SPTB: variants seen among roughly 807,000 people sequenced by gnomAD.
SPTB encodes the protein spectrin beta chain, erythrocytic.
SPTB carries 45 observed loss-of-function variants against 256.2 expected under a neutral mutation model. The ratio of observed to expected loss-of-function variants is 0.18; its 90% confidence interval spans 0.14 to 0.23. SPTB has a LOEUF of 0.23. Ranked by LOEUF, SPTB falls within the 10% of genes least tolerant of loss-of-function variation. The pLI is 1.00. For synonymous variants in SPTB, 1,231 were observed against 1,243.1 expected (o/e 0.99, Z 0.21); for missense variants, 2,715 against 3,040.4 (o/e 0.89, Z 2.52).
chr14:64,772,859 G>T lies in SPTB; in HGVS notation c.5274C>A (p.Ile1758=). 6.2e-7 allele frequency: 1 copy of T among 1,612,384 alleles called. No individual in the cohort carries two copies. Among genetic ancestry groups the T allele is most frequent in the South Asian group, 1.1e-5 (1 of 91,068 alleles). The part of the protein sequence containing the change: ...DNVNAFIERL[I]DAGHSEAATI... ...TGGCCGCCTCGCTGTGGCCCGCGTCGATGAGTCGCTCGATGAAGGCATTCA... is the reference window on the plus strand; with the variant it reads ...TGGCCGCCTCGCTGTGGCCCGCGTCTATGAGTCGCTCGATGAAGGCATTCA... Residue 1758 remains isoleucine (I), a synonymous_variant, in exon 26 of 36, where the codon ATC becomes ATA. Transcript: ENST00000644917. The surrounding 1 kb of genome is among the most constrained non-coding windows in gnomAD (Gnocchi z 5.4).
rs1428450057 is a variant in SPTB, at chr14:64,852,830, TGCAATAATGAAGCAAAATAGACAG to T, written c.-52+26938_-52+26961del. ...CTCACCATAATGTTAGGTGTTGGGA[TGCAATAATGAAGCAAAATAGACAG>T]GCTTTCTGCTCTCGTGGTACTTTCA... On this transcript the variant is annotated intron_variant, in intron 1 of 35. Coordinates refer to ENST00000644917, the MANE Select transcript of SPTB (RefSeq NM_001355436.2). The surrounding 1 kb of genome is among the most constrained non-coding windows in gnomAD (Gnocchi z 4.2). Among the ~76,000 whole-genome samples the T allele has an allele frequency of 1.3e-5, 2 of 152,194 alleles. No homozygotes were observed. Among genetic ancestry groups the T allele is most frequent in the Non-Finnish European group, 2.9e-5 (2 of 68,028 alleles).
chr14:64,879,553 G>A (rs1883007962), intron 1 of SPTB, among the ~76,000 whole-genome samples: 1 of 152,300 alleles, frequency 6.6e-6, no homozygotes, highest in African/African-American at 2.4e-5. Flanking sequence ...CAAGTGCCTC[G>A]GACGCCCGCG....
rs2083802687 is a variant in SPTB at position 64,852,409 on chromosome 14, G to A, written c.-52+27383C>T. ...GGAACCTGAGCAGTGGGGAGTCAGT[G>A]AAGGGTGCTAAATGGAACAGCATGG... is the stretch of plus-strand genomic sequence containing the variant. On this transcript the variant is annotated intron_variant, in intron 1 of 35. Coordinates refer to ENST00000644917, the MANE Select transcript of SPTB (RefSeq NM_001355436.2). The surrounding 1 kb of genome is among the most constrained non-coding windows in gnomAD (Gnocchi z 4.2). Among the ~76,000 whole-genome samples, 1 of 152,206 alleles carries A rather than the reference G, an allele frequency of 6.6e-6. No homozygotes were observed. The highest frequency in any genetic ancestry group is 6.5e-5 in the Admixed American group (1 of 15,286).
At chr14:64,864,709 A>C (rs539477908) in intron 1 of SPTB, among the ~76,000 whole-genome samples, 6 of 152,284 alleles carry the variant, frequency 3.9e-5, no homozygotes, top group African/African-American at 1.2e-4. Flanking sequence ...CGCAGTAATA[A>C]GTCTAGGAGT....
In SPTB at chr14:64,794,451, A is replaced by C; in HGVS notation, c.1795+16T>G. On this transcript the variant is annotated intron_variant, in intron 13 of 35. Coordinates refer to ENST00000644917, the MANE Select transcript of SPTB (RefSeq NM_001355436.2). Reference sequence around the variant, plus strand: ...GGCATTGGAAGCCTCAAAAGGGGAGACAGACTTGGTCTCACCTTTCCCCTC... The same window carrying C: ...GGCATTGGAAGCCTCAAAAGGGGAGCCAGACTTGGTCTCACCTTTCCCCTC... 6.2e-7 allele frequency: 1 copy of C among 1,614,138 alleles called. No homozygotes were observed. The highest frequency in any genetic ancestry group is 8.5e-7 in the Non-Finnish European group (1 of 1,180,012).
intron 1 of SPTB, among the ~76,000 whole-genome samples, chr14:64,870,647 A>G (rs1882476275): frequency 6.6e-6 from 1 of 152,250 alleles, no homozygotes; most frequent in Non-Finnish European, 1.5e-5. Flanking sequence ...TTGGCCCCCA[A>G]AATGAGGATA....
chr14:64,765,330 C>T (rs538571901), intron 32 of SPTB, among the ~76,000 whole-genome samples: 35 of 152,198 alleles, frequency 2.3e-4, no homozygotes, highest in African/African-American at 6.0e-4. Flanking sequence ...CCGTGCAAGC[C>T]GTGTGCTGAA....
chr14:64,770,694 T>A (rs944585040), intron 27 of SPTB, among the ~76,000 whole-genome samples, 191 bp downstream of exon 27: 28 of 152,214 alleles, frequency 1.8e-4, no homozygotes, highest in African/African-American at 1.7e-4. Context: ...CGATTGGTCC[T>A]CCCAGTGGAA....
At position 64,777,456 on chromosome 14, in the gene SPTB, C is replaced by T. The variant is rs1477679559; in HGVS notation, c.4563+1701G>A. Among the ~76,000 whole-genome samples, 1 of 152,150 alleles carries T rather than the reference C, an allele frequency of 6.6e-6. No homozygotes were observed. Among genetic ancestry groups the T allele is most frequent in the East Asian group, 1.9e-4 (1 of 5,204 alleles). On this transcript the variant is annotated intron_variant, in intron 22 of 35. Transcript: ENST00000644917. This position sits in a 1 kb window ranked among gnomAD's most constrained non-coding sequence, Gnocchi z 4.5. The stretch of plus-strand genomic sequence containing the variant: ...TGGGCATTCATCTGTCTAAAAGTTC[C>T]CTAGGTGATGTGAGTGTACAGCCAG...
At position 64,749,664 on chromosome 14, in the gene SPTB, C is replaced by T. The variant is rs185086217; in HGVS notation, c.6809G>A (p.Gly2270Asp). ...LSNGSEWLFH[G>D]KDEEEMLSWL... ...GCTGCCCGCGCTTACCTCATCCTTGCCATGGAAGAGCCACTCGCTGCCATT... is the reference window on the plus strand; with the variant it reads ...GCTGCCCGCGCTTACCTCATCCTTGTCATGGAAGAGCCACTCGCTGCCATT... Residue 2270 changes from glycine to aspartate, a missense_variant, in exon 35 of 36, where the codon GGC (glycine) becomes GAC (aspartate). Physicochemically the swap from Gly to Asp is moderately conservative, Grantham distance 94. Around this residue, in one of 4 missense-constraint regions of SPTB, gnomAD observed 2,239 missense variants for 2,384.4 expected, o/e 0.94. Transcript: ENST00000644917. This position sits in a 1 kb window ranked among gnomAD's most constrained non-coding sequence, Gnocchi z 4.7. 5.0e-6 allele frequency: 8 copies of T among 1,613,782 alleles called. No individual in the cohort carries two copies. Among genetic ancestry groups the T allele is most frequent in the Non-Finnish European group, 6.8e-6 (8 of 1,179,948 alleles).
intron 9 of SPTB, among the ~76,000 whole-genome samples, chr14:64,798,217 T>C (rs7342528): frequency 0.053 from 8,142 of 152,308 alleles, 252 homozygotes; most frequent in South Asian, 0.14. Flanking sequence ...CTGCAAGTGA[T>C]GAGGGCTTCT....
At chr14:64,769,154 C>T in intron 28 of SPTB, 36 bp from the exon 29 acceptor site, 1 of 1,597,502 alleles carries the variant, frequency 6.3e-7, no homozygotes, top group Non-Finnish European at 8.6e-7. Flanking sequence ...TCAGGCTTGG[C>T]TCACCCTTCA....
At position 64,821,548 on chromosome 14, in the gene SPTB, C is replaced by G. The variant is rs186570715; in HGVS notation, c.148+1399G>C. Among the ~76,000 whole-genome samples the G allele has an allele frequency of 1.8e-4, 27 of 151,864 alleles. No individual in the cohort carries two copies. In the East Asian group the frequency reaches 5.2e-3, roughly 29 times the overall value. On this transcript the variant is annotated intron_variant, in intron 2 of 35. Coordinates refer to ENST00000644917, the MANE Select transcript of SPTB (RefSeq NM_001355436.2). Reference sequence around the variant, plus strand: ...TCATTGCAGCTAGATCCAGCCAGCACAGAGATATAAGAAGGTAAAACCAGA... The same window carrying G: ...TCATTGCAGCTAGATCCAGCCAGCAGAGAGATATAAGAAGGTAAAACCAGA...
chr14:64,827,961 G>C lies in SPTB; in HGVS notation c.-51-4816C>G, dbSNP rs229615. On this transcript the variant is annotated intron_variant, in intron 1 of 35. Coordinates refer to ENST00000644917, the MANE Select transcript of SPTB (RefSeq NM_001355436.2). The surrounding 1 kb of genome is among the most constrained non-coding windows in gnomAD (Gnocchi z 4.6). ...TTCCAGTCGATGGACACCACCAGCA[G>C]TTCCTGGACAAGCCACTTCCCCTCC... 0.12 allele frequency among the ~76,000 whole-genome samples: 17,902 copies of C among 152,136 alleles called. 2,487 individuals carry two copies. Among genetic ancestry groups the C allele is most frequent in the African/African-American group, 0.33 (13,655 of 41,432 alleles).
rs894574070 is a variant in SPTB, at chr14:64,844,877, G to A, written c.-51-21732C>T. Among the ~76,000 whole-genome samples, 3 of 152,094 alleles carry A rather than the reference G, an allele frequency of 2.0e-5. No individual in the cohort carries two copies. The highest frequency in any genetic ancestry group is 1.9e-4 in the East Asian group (1 of 5,200). On this transcript the variant is annotated intron_variant, in intron 1 of 35. Coordinates refer to ENST00000644917, the MANE Select transcript of SPTB (RefSeq NM_001355436.2). The surrounding 1 kb of genome is among the most constrained non-coding windows in gnomAD (Gnocchi z 4.1). ...TCTGCCTCCCATTCCCTTTGTGATC[G>A]CAGCATGCAACTTTGGAGATGGAGA... is the stretch of plus-strand genomic sequence containing the variant.
intron 1 of SPTB, among the ~76,000 whole-genome samples, chr14:64,830,009 G>T (rs553991993): frequency 2.6e-5 from 4 of 152,110 alleles, no homozygotes; most frequent in Non-Finnish European, 4.4e-5. Flanking sequence ...TCATTCCTCA[G>T]ATCTCTTCTC....
In SPTB at chr14:64,827,619, T is replaced by C. The variant is rs1418034283; in HGVS notation, c.-51-4474A>G. ...CCTCTCCCTCTGATCATAATCGCAT[T>C]GCACATTCACAGGTACCTTAAAGAA... On this transcript the variant is annotated intron_variant, in intron 1 of 35. Coordinates refer to ENST00000644917, the MANE Select transcript of SPTB (RefSeq NM_001355436.2). This position sits in a 1 kb window ranked among gnomAD's most constrained non-coding sequence, Gnocchi z 4.6. 6.6e-6 allele frequency among the ~76,000 whole-genome samples: 1 copy of C among 152,186 alleles called. No homozygotes were observed. Among genetic ancestry groups the C allele is most frequent in the Non-Finnish European group, 1.5e-5 (1 of 68,032 alleles).
In SPTB at chr14:64,793,745, A is replaced by G. The variant is rs1347159378; in HGVS notation, c.1918T>C (p.Trp640Arg). Residue 640 changes from tryptophan to arginine, a missense_variant, in exon 14 of 36, where the codon TGG becomes CGG. Trp to Arg is a moderately radical substitution (Grantham distance 101). This residue lies in a region of SPTB where 2,239 missense variants were observed against 2,384.4 expected (regional missense o/e 0.94). Coordinates refer to ENST00000644917, the MANE Select transcript of SPTB (RefSeq NM_001355436.2). This position sits in a 1 kb window ranked among gnomAD's most constrained non-coding sequence, Gnocchi z 7.0. Reference protein sequence around the residue: ...KAQLEQSKRLWKFFWEMDEAE... With the variant: ...KAQLEQSKRLRKFFWEMDEAE... ...TCATCCATCTCCCAGAAGAACTTCCAGAGTCGTTTGGACTGCTCCAGTTGG... is the reference window on the plus strand; with the variant it reads ...TCATCCATCTCCCAGAAGAACTTCCGGAGTCGTTTGGACTGCTCCAGTTGG... 1 of 1,614,114 alleles carries G rather than the reference A, an allele frequency of 6.2e-7. No individual in the cohort carries two copies. The highest frequency in any genetic ancestry group is 8.5e-7 in the Non-Finnish European group (1 of 1,180,048).
chr14:64,865,592 G>A (rs1392767798), intron 1 of SPTB, among the ~76,000 whole-genome samples: 3 of 152,110 alleles, frequency 2.0e-5, no homozygotes, highest in East Asian at 1.9e-4. Context: ...TTGCTACATT[G>A]AGGACACTGT....
Sources: gnomAD v4.1 joint callset for allele counts (sites outside exome capture counted in the v4.1 genomes callset) on GRCh38, gnomAD v4.1.1 for gene constraint, gnomAD v4.1.1 regional missense constraint, Gnocchi (gnomAD v3.1) non-coding constraint, MANE v1.5 for transcripts, NCBI Gene and HGNC (gene_info 2026-07-23, HGNC 2026-07-21) for gene names.